Variants in GMDS observed in about 807,000 individuals in gnomAD.
GMDS encodes the protein GDP-mannose 4,6 dehydratase.
GMDS carries 20 observed loss-of-function variants against 49.9 expected under a neutral mutation model. The ratio of observed to expected loss-of-function variants is 0.40; its 90% CI spans 0.28 to 0.58. The LOEUF (loss-of-function observed/expected upper bound fraction) is 0.58, where lower values mean the gene tolerates loss of function less well. GMDS is among the 20% of genes least tolerant of loss of function. The pLI is 0.42. For missense variants in GMDS, 362 were observed against 481.4 expected, an observed-to-expected ratio of 0.75 and a Z score of 2.32; for synonymous variants, 177 against 178.6, an observed-to-expected ratio of 0.99 and a Z score of 0.07.
At chr6:2,047,945 ATACT>A (rs1353567162) in intron 4 of GMDS, among the ~76,000 whole-genome samples, 1 of 152,234 alleles carries the variant, frequency 6.6e-6, no homozygotes, top group Non-Finnish European at 1.5e-5. Flanking sequence ...TGGATTCCAG[ATACT>A]TTTAGATGAA....
intron 7 of GMDS, among the ~76,000 whole-genome samples, chr6:1,923,755 A>G (rs1761847538): frequency 6.6e-6 from 1 of 152,238 alleles, no homozygotes; most frequent in South Asian, 2.1e-4. Context: ...TGTTGCAACA[A>G]GCAAACTTCC....
chr6:1,668,777 C>G (rs1423552047), intron 9 of GMDS, among the ~76,000 whole-genome samples: 3 of 152,144 alleles, frequency 2.0e-5, no homozygotes, highest in African/African-American at 7.2e-5. Flanking sequence ...ACAGAACACT[C>G]TCCATTAAGG....
intron 8 of GMDS, among the ~76,000 whole-genome samples, chr6:1,729,618 A>C (rs1166866698): frequency 1.3e-5 from 2 of 152,222 alleles, no homozygotes; most frequent in Admixed American, 6.5e-5. Flanking sequence ...AACAAGTAAA[A>C]GGTAACAGCT....
intron 4 of GMDS, among the ~76,000 whole-genome samples, chr6:2,110,683 A>G (rs1774498618): frequency 6.6e-6 from 1 of 152,174 alleles, no homozygotes; most frequent in Non-Finnish European, 1.5e-5. Context: ...CCACATGGTC[A>G]TGACCCAGTG....
chr6:1,652,082 T>C (rs572582409), intron 9 of GMDS, among the ~76,000 whole-genome samples: 81 of 151,716 alleles, frequency 5.3e-4, no homozygotes, highest in Non-Finnish European at 1.0e-3. Context: ...TCTAAGATTA[T>C]CCTTAACAGG....
chr6:1,698,944 A>T (rs1206021397), intron 9 of GMDS, among the ~76,000 whole-genome samples: 2 of 152,044 alleles, frequency 1.3e-5, no homozygotes, highest in Admixed American at 1.3e-4. Context: ...CACTCACAAC[A>T]AGCCACAGTC....
At chr6:2,040,121 G>A (rs1769580293) in intron 4 of GMDS, among the ~76,000 whole-genome samples, 1 of 152,172 alleles carries the variant, frequency 6.6e-6, no homozygotes, top group Admixed American at 6.5e-5. Context: ...GCACATAACT[G>A]TACTTCCTCT....
At chr6:1,961,818 T>G (rs573926364) in intron 4 of GMDS, among the ~76,000 whole-genome samples, 1 of 152,328 alleles carries the variant, frequency 6.6e-6, no homozygotes, top group African/African-American at 2.4e-5. Flanking sequence ...GTAAGGTCAC[T>G]GGTCTTCGTC....
At chr6:1,700,202 T>C (rs1765496156) in intron 9 of GMDS, among the ~76,000 whole-genome samples, 1 of 152,202 alleles carries the variant, frequency 6.6e-6, no homozygotes, top group Non-Finnish European at 1.5e-5. Flanking sequence ...CTTCTTCTAA[T>C]TTATCTGTAT....
rs148103389 is a variant in GMDS, at chr6:1,977,185, G to A, written c.346-16219C>T. On this transcript the variant is annotated intron_variant, in intron 4 of 10. Transcript: ENST00000380815. ...TTTGCTATGAAAAGTAATTCCATTGGGTAAGTGAAAAGATGCTTGTGTATG... is the reference window on the plus strand; with the variant it reads ...TTTGCTATGAAAAGTAATTCCATTGAGTAAGTGAAAAGATGCTTGTGTATG... Among the ~76,000 whole-genome samples the A allele has an allele frequency of 7.7e-3, 1,167 of 152,220 alleles. 14 individuals carry two copies. Among genetic ancestry groups the A allele is most frequent in the Non-Finnish European group, 0.01 (698 of 68,024 alleles).
chr6:2,210,551 G>C (rs566980028), intron 1 of GMDS, among the ~76,000 whole-genome samples: 3 of 152,248 alleles, frequency 2.0e-5, no homozygotes, highest in African/African-American at 7.2e-5. Context: ...GACAGGAAAG[G>C]AAATCAGCTA....
At chr6:1,670,090 C>A (rs17134145) in intron 9 of GMDS, among the ~76,000 whole-genome samples, 17,083 of 151,816 alleles carry the variant, frequency 0.11, 1,149 homozygotes, top group Admixed American at 0.22. Flanking sequence ...GTTTTGAAAC[C>A]CATCACGTCT....
In GMDS at chr6:2,124,729, A is replaced by G; in HGVS notation, c.105T>C (p.Asp35=). 6.2e-7 allele frequency: 1 copy of G among 1,612,902 alleles called. No homozygotes were observed. The highest frequency in any genetic ancestry group is 1.1e-5 in the South Asian group (1 of 90,920). ...GCAGGAACTCAGCCAGGTAGGAACC[A>G]TCCTGGGGAGAAAGAAAAAATTGCA... ...VALITGITGQ[D]GSYLAEFLLE... Residue 35 remains aspartate, a splice_region_variant and synonymous_variant, in exon 2 of 11, where the codon GAT becomes GAC. Coordinates refer to ENST00000380815, the MANE Select transcript of GMDS (RefSeq NM_001500.4).
chr6:1,691,929 T>G (rs1765187804), intron 9 of GMDS, among the ~76,000 whole-genome samples: 1 of 152,164 alleles, frequency 6.6e-6, no homozygotes, highest in Non-Finnish European at 1.5e-5. Context: ...ATGCAAAGTA[T>G]TGTTCCTGGG....
chr6:1,751,696 G>T (rs1264739201), intron 7 of GMDS, among the ~76,000 whole-genome samples: 1 of 152,148 alleles, frequency 6.6e-6, no homozygotes, highest in African/African-American at 2.4e-5. Flanking sequence ...GTTTCACCAT[G>T]TTGGCCAGGA....
intron 7 of GMDS, among the ~76,000 whole-genome samples, chr6:1,756,292 T>C (rs1767942265): frequency 6.6e-6 from 1 of 151,532 alleles, no homozygotes; most frequent in South Asian, 2.1e-4. Context: ...AGATGGAGTT[T>C]CGCTTTTGTC....
chr6:2,036,118 T>A (rs1184529396), intron 4 of GMDS, among the ~76,000 whole-genome samples: 4 of 152,206 alleles, frequency 2.6e-5, no homozygotes, highest in African/African-American at 9.6e-5. Flanking sequence ...CACCTAACTT[T>A]AATTTAATGT....
chr6:2,031,976 TCTC>T (rs1414607720), intron 4 of GMDS, among the ~76,000 whole-genome samples: 39 of 152,328 alleles, frequency 2.6e-4, no homozygotes, highest in African/African-American at 8.9e-4. Flanking sequence ...CTGCCTAATT[TCTC>T]CTAAGTCTTA....
At chr6:1,657,399 G>C (rs1763918953) in intron 9 of GMDS, among the ~76,000 whole-genome samples, 1 of 152,164 alleles carries the variant, frequency 6.6e-6, no homozygotes, top group Admixed American at 6.5e-5. Context: ...AAGACAGCAG[G>C]TCAAGTCTCA....
Sources: gnomAD v4.1 joint callset for allele counts (sites outside exome capture counted in the v4.1 genomes callset) on GRCh38, gnomAD v4.1.1 for gene constraint, MANE v1.5 for transcripts, NCBI Gene and HGNC (gene_info 2026-07-23, HGNC 2026-07-21) for gene names.